MAMSTR: variants seen among roughly 807,000 people sequenced by gnomAD.
MAMSTR encodes MEF2 activating motif and SAP domain containing transcriptional regulator.
In MAMSTR, 41 loss-of-function variants were observed where a neutral mutation model predicts 42.7. The observed-to-expected ratio is 0.96, with a 90% confidence interval of 0.75 to 1.25. The LOEUF (loss-of-function observed/expected upper bound fraction) is 1.25, where lower values mean the gene tolerates loss of function less well. MAMSTR is among the 50% of genes most tolerant of loss of function. MAMSTR has a pLI of 0.00. For missense variants in MAMSTR, 567 were observed against 557.6 expected, an observed-to-expected ratio of 1.02 and a Z score of -0.17; for synonymous variants, 265 against 244.1, an observed-to-expected ratio of 1.09 and a Z score of -0.80.
downstream of MAMSTR, among the ~76,000 whole-genome samples, chr19:48,708,996 G>C (rs2032690716): frequency 1.3e-5 from 2 of 152,062 alleles, no homozygotes; most frequent in African/African-American, 4.8e-5. Context: ...GATACAGTCA[G>C]AAAAGTCTCT....
At chr19:48,718,750 CT>C (rs1447648587) in intron 2 of MAMSTR, among the ~76,000 whole-genome samples, 2 of 152,138 alleles carry the variant, frequency 1.3e-5, no homozygotes, top group Admixed American at 6.6e-5. Flanking sequence ...ACGCCTACCC[CT>C]GGCCTCCAAT....
Position 48,713,746 on chromosome 19 carries a change from C to T in MAMSTR, c.934G>A (p.Asp312Asn). ...GGCTCCACCTGATCCTCCAGGATGTCATCGATGCCCCGGTTAGGAAGCAAC... is the reference window on the plus strand; with the variant it reads ...GGCTCCACCTGATCCTCCAGGATGTTATCGATGCCCCGGTTAGGAAGCAAC... Reference protein sequence around the residue: ...AQLLPNRGIDDILEDQVEPDD... With the variant: ...AQLLPNRGIDNILEDQVEPDD... The change falls in exon 9 of 10, where the codon GAC becomes AAC. Residue 312 changes from aspartate (D) to asparagine (N), a missense_variant. Transcript: ENST00000318083. The T allele has an allele frequency of 4.3e-6, 7 of 1,614,214 alleles. No homozygotes were observed. The highest frequency in any genetic ancestry group is 5.9e-6 in the Non-Finnish European group (7 of 1,180,038).
In MAMSTR at chr19:48,715,624, CCTT is replaced by C. The variant is rs1650174054; in HGVS notation, c.238_240del (p.Lys80del). ...GACCTCTCCCTCCAGTCGAGACTCA[CCTT>C]CTTTGGGGACCTCCAAGGAGGACAA... is the stretch of plus-strand genomic sequence containing the variant. On this transcript the variant is annotated inframe_deletion and splice_region_variant, in exon 4 of 10. Coordinates refer to ENST00000318083, the MANE Select transcript of MAMSTR (RefSeq NM_001130915.2). The C allele has an allele frequency of 6.5e-7, 1 of 1,537,374 alleles. No individual in the cohort carries two copies. Among genetic ancestry groups the C allele is most frequent in the South Asian group, 1.2e-5 (1 of 82,252 alleles).
Position 48,719,142 on chromosome 19 carries a change from G to T in MAMSTR, c.-21-90C>A. 1.1e-6 allele frequency: 1 copy of T among 890,234 alleles called. No homozygotes were observed. The highest frequency in any genetic ancestry group is 1.8e-6 in the Non-Finnish European group (1 of 558,972). The allele number at this position is 890,234 out of a possible 1,614,324, so 55.1% of individuals were successfully genotyped here. A position where few individuals can be genotyped will look rare whatever the true frequency, so the allele number is the denominator to read the frequency against. ...CCGCCCCTGAGAGTGAATTCAGCAG[G>T]GAAAGGGCCCGAAGGAGGTGGGAAT... On this transcript the variant is annotated intron_variant, in intron 1 of 9. Transcript: ENST00000318083. This position sits in a 1 kb window ranked among gnomAD's most constrained non-coding sequence, Gnocchi z 4.4.
chr19:48,708,330 T>C (rs1257110258), downstream of MAMSTR, among the ~76,000 whole-genome samples: 3 of 151,926 alleles, frequency 2.0e-5, no homozygotes, highest in African/African-American at 7.3e-5. Flanking sequence ...TGAACATGAC[T>C]ATATCCTTTT....
chr19:48,707,718 G>A, the MAMSTR span, among the ~76,000 whole-genome samples: 4 of 148,786 alleles, frequency 2.7e-5, no homozygotes, highest in South Asian at 4.2e-4. Flanking sequence ...TCCAGCCTGG[G>A]CAAAAGAGCG....
At chr19:48,708,023 T>C (rs560592043), downstream of MAMSTR, among the ~76,000 whole-genome samples, 1 of 151,862 alleles carries the variant, frequency 6.6e-6, no homozygotes, top group South Asian at 2.1e-4. Flanking sequence ...TTACCTAAGG[T>C]TGGGAGTTCA....
At chr19:48,708,976 T>TGTG (rs1402003524), downstream of MAMSTR, among the ~76,000 whole-genome samples, 2 of 151,840 alleles carry the variant, frequency 1.3e-5, no homozygotes, top group African/African-American at 4.8e-5. Flanking sequence ...GACACATTGA[T>TGTG]ATGGAGAGTG....
downstream of MAMSTR, among the ~76,000 whole-genome samples, chr19:48,711,831 C>T (rs1040083677): frequency 2.0e-5 from 3 of 150,882 alleles, no homozygotes; most frequent in African/African-American, 7.3e-5. Flanking sequence ...CTGCAAGCTC[C>T]GCCTCCCGGG....
At position 48,715,393 on chromosome 19, in the gene MAMSTR, C is replaced by G; in HGVS notation, c.294G>C (p.Leu98Phe). 2 of 1,522,096 alleles carry G rather than the reference C, an allele frequency of 1.3e-6. No homozygotes were observed. Among genetic ancestry groups the G allele is most frequent in the Non-Finnish European group, 1.8e-6 (2 of 1,141,566 alleles). 94.3% of individuals were successfully genotyped at this position (1,522,096 alleles called of 1,614,324 possible). Residue 98 changes from leucine (L) to phenylalanine (F), a missense_variant, in exon 5 of 10, where the codon TTG (leucine) becomes TTC (phenylalanine). Transcript: ENST00000318083. ...RWRESKPRGN[L>F]TYHQYMPPEP... ...CTGGGGGCATGTACTGGTGGTATGT[C>G]AAGTTCCCCCTGGGCTTGGACTCCC...
chr19:48,707,888 A>AAAGAAAG (rs776827691), downstream of MAMSTR, among the ~76,000 whole-genome samples: 1 of 80,464 alleles, frequency 1.2e-5, no homozygotes, highest in Admixed American at 1.3e-4. Flanking sequence ...AGAAAGAAAG[A>AAAGAAAG]AAAGAAAGAA....
In MAMSTR at chr19:48,714,447, C is replaced by T; in HGVS notation, c.642G>A (p.Pro214=). 1 of 1,358,822 alleles carries T rather than the reference C, an allele frequency of 7.4e-7. No individual in the cohort carries two copies. Among genetic ancestry groups the T allele is most frequent in the Non-Finnish European group, 9.4e-7 (1 of 1,067,012 alleles). The allele number at this position is 1,358,822 out of a possible 1,614,324, so 84.2% of individuals were successfully genotyped here. Residue 214 remains proline (P), a synonymous_variant, in exon 7 of 10, where the codon CCG becomes CCA. Transcript: ENST00000318083. ...GGAPPRERPK[P]RREDSPAGAP... is the part of the protein sequence containing the mutation. ...CACCCGCGGGACTGTCCTCGCGCCGCGGCTTCGGCCGCTCGCGGGGCGGCG... is the reference window on the plus strand; with the variant it reads ...CACCCGCGGGACTGTCCTCGCGCCGTGGCTTCGGCCGCTCGCGGGGCGGCG...
chr19:48,717,499 G>GTCTT, intron 2 of MAMSTR, among the ~76,000 whole-genome samples: 1 of 148,808 alleles, frequency 6.7e-6, no homozygotes, highest in African/African-American at 2.5e-5. Flanking sequence ...TAGAGACAGG[G>GTCTT]TCTTGCTGTG....
chr19:48,707,892 G>GAAAGAAAGAAAGA (rs2032675764), downstream of MAMSTR, among the ~76,000 whole-genome samples: 4 of 102,456 alleles, frequency 3.9e-5, no homozygotes, highest in South Asian at 3.0e-4. Flanking sequence ...AGAAAGAAAA[G>GAAAGAAAGAAAGA]AAAGAAAGAA....
chr19:48,718,242 C>T (rs1385175559), intron 2 of MAMSTR, among the ~76,000 whole-genome samples: 4 of 152,154 alleles, frequency 2.6e-5, no homozygotes, highest in African/African-American at 4.8e-5. Context: ...TGGACATATG[C>T]GCCTTTTTGT....
chr19:48,714,155 T>A (rs2032869579), intron 7 of MAMSTR, 110 bp from the exon 8 acceptor site: 2 of 1,258,126 alleles, frequency 1.6e-6, no homozygotes. Context: ...CCCTCGCTCA[T>A]CAACCCCTTT....
chr19:48,705,907 T>G, the MAMSTR span: 1 of 165,872 alleles, frequency 6.0e-6, no homozygotes, highest in Non-Finnish European at 1.5e-5. Flanking sequence ...CTGACTCTTA[T>G]AAATAAATAA....
Position 48,713,153 on chromosome 19 carries a change from G to A in MAMSTR, c.*114C>T, listed in dbSNP as rs750489528. 1.4e-5 allele frequency: 15 copies of A among 1,059,636 alleles called. No individual in the cohort carries two copies. Among genetic ancestry groups the A allele is most frequent in the Non-Finnish European group, 1.8e-5 (14 of 765,414 alleles). The allele number at this position is 1,059,636 out of a possible 1,614,324, so 65.6% of individuals were successfully genotyped here. On this transcript the variant is annotated 3_prime_UTR_variant, in exon 10 of 10. Transcript: ENST00000318083. ...CAGGAGGCAGGTGGGGTTGGAGGTT[G>A]TCTCCGATCCTGTGTCTGCGGTAGG...
the MAMSTR span, among the ~76,000 whole-genome samples, chr19:48,706,164 G>T: frequency 1.3e-5 from 2 of 150,882 alleles, no homozygotes; most frequent in African/African-American, 4.9e-5. Context: ...GTGCAGACCT[G>T]TAGTCCCAGC....
Sources: gnomAD v4.1 joint callset for allele counts (sites outside exome capture counted in the v4.1 genomes callset) on GRCh38, gnomAD v4.1.1 for gene constraint, Gnocchi (gnomAD v3.1) non-coding constraint, MANE v1.5 for transcripts, NCBI Gene and HGNC (gene_info 2026-07-23, HGNC 2026-07-21) for gene names.